CYP4B1: variants seen among roughly 807,000 people sequenced by gnomAD.
CYP4B1 encodes cytochrome P450 family 4 subfamily B member 1.
Under a neutral mutation model 54.0 loss-of-function variants are expected in CYP4B1, and 45 were observed. That is an observed-to-expected ratio of 0.83 (90% CI 0.66 to 1.07). CYP4B1 has a LOEUF of 1.07. CYP4B1 is among the 50% of genes least tolerant of loss of function. The pLI, the probability that CYP4B1 is intolerant of heterozygous loss-of-function variation, is 0.00. For synonymous variants in CYP4B1, 248 were observed against 247.5 expected, an observed-to-expected ratio of 1.00 and a Z score of -0.02; for missense variants, 656 against 655.4, an observed-to-expected ratio of 1.00 and a Z score of -0.01.
intron 5 of CYP4B1, 113 bp downstream of exon 5, chr1:46,813,719 G>T (rs1401598250): frequency 6.7e-7 from 1 of 1,503,088 alleles, no homozygotes; most frequent in East Asian, 2.3e-5. Context: ...GCCCCAGGGA[G>T]CCTTAGCTTG....
intron 9 of CYP4B1, 71 bp from the exon 10 acceptor site, chr1:46,817,894 C>A: frequency 7.1e-7 from 1 of 1,400,824 alleles, no homozygotes; most frequent in Non-Finnish European, 1.0e-6. Context: ...CACTAGGGGA[C>A]TCTGACCTTA....
At chr1:46,806,729 A>G (rs1678876526) in intron 1 of CYP4B1, 1 of 152,214 alleles carries the variant, frequency 6.6e-6, no homozygotes, top group African/African-American at 2.4e-5. Context: ...AGGAGTGCCA[A>G]TGTGAGGGTG....
chr1:46,816,997 C>T, intron 8 of CYP4B1, 51 bp from the exon 9 acceptor site: 1 of 1,602,396 alleles, frequency 6.2e-7, no homozygotes, highest in South Asian at 1.1e-5. Flanking sequence ...GCTTTCTCGC[C>T]AAATCCTGTT....
At chr1:46,804,521 G>T (rs1187272303) in intron 1 of CYP4B1, among the ~76,000 whole-genome samples, 1 of 151,688 alleles carries the variant, frequency 6.6e-6, no homozygotes, top group African/African-American at 2.4e-5. Context: ...TCTGTGATTT[G>T]GGAGAGAGGG....
intron 2 of CYP4B1, 72 bp from the exon 3 acceptor site, chr1:46,811,068 C>A (rs1256736280): frequency 1.2e-6 from 2 of 1,604,422 alleles, no homozygotes; most frequent in East Asian, 4.5e-5. Flanking sequence ...GCTGAGGTTC[C>A]CACCCTACTC....
Position 46,811,169 on chromosome 1 carries a change from T to G in CYP4B1, c.352T>G (p.Phe118Val), listed in dbSNP as rs1417029938. Residue 118 changes from phenylalanine (F) to valine (V), a missense_variant, in exon 3 of 12, where the codon TTC (phenylalanine) becomes GTC (valine). Coordinates refer to ENST00000371923, the MANE Select transcript of CYP4B1 (RefSeq NM_001099772.2). ...TAAGGCCCCTGATGTGTATGACTTCTTCCTCCAGTGGATTGGTGAGTGAGC... is the reference window on the plus strand; with the variant it reads ...TAAGGCCCCTGATGTGTATGACTTCGTCCTCCAGTGGATTGGTGAGTGAGC... ...DPKAPDVYDFFLQWIGRGLLV... is the reference protein window; with the variant it reads ...DPKAPDVYDFVLQWIGRGLLV... The G allele has an allele frequency of 1.2e-6, 2 of 1,614,054 alleles. No individual in the cohort carries two copies. The highest frequency in any genetic ancestry group is 8.5e-7 in the Non-Finnish European group (1 of 1,180,022).
intron 8 of CYP4B1, 66 bp from the exon 9 acceptor site, chr1:46,816,982 G>A (rs1679359175): frequency 6.3e-7 from 1 of 1,583,630 alleles, no homozygotes; most frequent in South Asian, 1.1e-5. Flanking sequence ...CTGGGGCTGG[G>A]GTCTGCTTTC....
In CYP4B1 at chr1:46,813,824, G is replaced by C. The variant is rs45584834; in HGVS notation, c.621-85G>C. On this transcript the variant is annotated intron_variant, in intron 5 of 11. Transcript: ENST00000371923. ...AAGAAGAGCAGGATGCTCTGTGGTT[G>C]GGGCTAGATTCCTGGAATGGAGTTT... 0.011 allele frequency: 17,264 copies of C among 1,529,010 alleles called. 895 individuals are homozygous for C. The African/African-American group carries it at 0.14, about 12-fold the overall frequency. 94.7% of individuals were successfully genotyped at this position (1,529,010 alleles called of 1,614,324 possible).
chr1:46,814,192 C>T lies in CYP4B1; in HGVS notation c.776-17C>T, dbSNP rs1309884544. On this transcript the variant is annotated splice_polypyrimidine_tract_variant and intron_variant, in intron 6 of 11. Transcript: ENST00000371923. ...AGATGGCTTCCCAGGCAGTGACACT[C>T]TGTGCTTTTGGTTCAGACCAGGTCA... 1.9e-6 allele frequency: 3 copies of T among 1,613,588 alleles called. No individual in the cohort carries two copies. Among genetic ancestry groups the T allele is most frequent in the Admixed American group, 1.7e-5 (1 of 60,026 alleles).
At position 46,814,209 on chromosome 1, in the gene CYP4B1, A is replaced by G. The variant is rs762922694; in HGVS notation, c.776A>G (p.Asp259Gly). 31 of 1,613,958 alleles carry G rather than the reference A, an allele frequency of 1.9e-5. No homozygotes were observed. In the Admixed American group the frequency reaches 5.2e-4, roughly 27 times the overall value. ...RACQVAHDHT[D>G]QVIRERKAAL... ...GTGACACTCTGTGCTTTTGGTTCAG[A>G]CCAGGTCATCAGGGAGCGGAAGGCA... The change falls in exon 7 of 12, where the codon GAC (aspartate) becomes GGC (glycine). Residue 259 changes from aspartate (D) to glycine (G), a missense_variant and splice_region_variant. Coordinates refer to ENST00000371923, the MANE Select transcript of CYP4B1 (RefSeq NM_001099772.2).
At chr1:46,814,607 A>G in intron 7 of CYP4B1, 1 of 383,842 alleles carries the variant, frequency 2.6e-6, no homozygotes, top group Non-Finnish European at 4.7e-6. Flanking sequence ...AGAATCTTAG[A>G]CTTCATTCAT....
intron 3 of CYP4B1, chr1:46,812,161 G>T (rs1225044631): frequency 1.0e-5 from 5 of 485,774 alleles, no homozygotes; most frequent in Non-Finnish European, 2.0e-5. Flanking sequence ...CTCCCCCTCT[G>T]CTTGGCTGTC....
chr1:46,802,331 G>C (rs1206203584), intron 1 of CYP4B1, among the ~76,000 whole-genome samples: 1 of 152,130 alleles, frequency 6.6e-6, no homozygotes, highest in Non-Finnish European at 1.5e-5. Flanking sequence ...CAGGGCTGTG[G>C]CTCATTTTCA....
rs1679452216 is a variant in CYP4B1 at position 46,818,972 on chromosome 1, T to C, written c.*158T>C. 2 of 603,240 alleles carry C rather than the reference T, an allele frequency of 3.3e-6. No individual in the cohort carries two copies. Among genetic ancestry groups the C allele is most frequent in the East Asian group, 2.8e-5 (1 of 36,186 alleles). The allele number at this position is 603,240 out of a possible 1,614,324, so 37.4% of individuals were successfully genotyped here. On this transcript the variant is annotated 3_prime_UTR_variant, in exon 12 of 12. Coordinates refer to ENST00000371923, the MANE Select transcript of CYP4B1 (RefSeq NM_001099772.2). The stretch of plus-strand genomic sequence containing the variant: ...ACCATAGACGACTCCTAGAGGACAG[T>C]GCTATGTAAAAATGTGTGTCTATAA...
chr1:46,807,859 T>C (rs908815482), intron 1 of CYP4B1, among the ~76,000 whole-genome samples: 14 of 152,168 alleles, frequency 9.2e-5, no homozygotes, highest in African/African-American at 3.1e-4. Context: ...CCAGAAAGGA[T>C]CCCTGGGGGC....
In CYP4B1 at chr1:46,817,126, G is replaced by A. The variant is rs914210953; in HGVS notation, c.1152G>A (p.Val384=). The change falls in exon 9 of 12, where the codon GTG becomes GTA. Residue 384 remains valine, a synonymous_variant. Coordinates refer to ENST00000371923, the MANE Select transcript of CYP4B1 (RefSeq NM_001099772.2). ...SFRLYPPVPQ[V]YRQLSKPVTF... ...GCCTCTACCCACCTGTGCCCCAGGT[G>A]TACCGCCAGCTCAGCAAGCCTGTCA... The A allele has an allele frequency of 1.9e-6, 3 of 1,614,218 alleles. No individual in the cohort carries two copies. Among genetic ancestry groups the A allele is most frequent in the Admixed American group, 1.7e-5 (1 of 60,020 alleles).
chr1:46,806,199 G>A (rs1010889834), intron 1 of CYP4B1, among the ~76,000 whole-genome samples: 1 of 152,232 alleles, frequency 6.6e-6, no homozygotes, highest in Non-Finnish European at 1.5e-5. Context: ...GGCACCCTGT[G>A]TGCTGGGAAT....
At chr1:46,818,268 GA>G in intron 11 of CYP4B1, 55 bp downstream of exon 11, 1 of 1,478,378 alleles carries the variant, frequency 6.8e-7, no homozygotes, top group Non-Finnish European at 9.5e-7. Flanking sequence ...GAGGGTGGAT[GA>G]CATCATAGGG....
rs1678703231 is a variant in CYP4B1 at position 46,802,568 on chromosome 1, G to A, written c.180+3307G>A. Among the ~76,000 whole-genome samples, 6 of 152,192 alleles carry A rather than the reference G, an allele frequency of 3.9e-5. No homozygotes were observed. The South Asian group carries it at 8.3e-4, about 21-fold the overall frequency. ...GATTCTTGCTACAAAACACCCTGGGGCATTTGCTTTCTTCATCCCCTTCCT... is the reference window on the plus strand; with the variant it reads ...GATTCTTGCTACAAAACACCCTGGGACATTTGCTTTCTTCATCCCCTTCCT... On this transcript the variant is annotated intron_variant, in intron 1 of 11. Transcript: ENST00000371923.
Sources: allele counts gnomAD v4.1 joint callset (sites outside exome capture counted in the v4.1 genomes callset), GRCh38; gene constraint gnomAD v4.1.1; transcripts MANE v1.5; gene names NCBI Gene and HGNC (gene_info 2026-07-23, HGNC 2026-07-21).